DMXL2: variants seen among roughly 807,000 people sequenced by gnomAD.
DMXL2 encodes Dmx like 2.
Under a neutral mutation model 331.1 loss-of-function variants are expected in DMXL2, and 103 were observed. The ratio of observed to expected loss-of-function variants is 0.31; its 90% CI spans 0.27 to 0.37. DMXL2 has a LOEUF of 0.37. Among genes scored for constraint, DMXL2 ranks in the 10% least tolerant of loss-of-function variants. The pLI is 1.00. For missense variants in DMXL2, 3,171 were observed against 3,642.9 expected (o/e 0.87, Z 3.33); for synonymous variants, 1,281 against 1,252.1 (o/e 1.02, Z -0.49).
chr15:51,460,077 TATTG>T (rs2039984170), intron 33 of DMXL2: 1 of 939,408 alleles, frequency 1.1e-6, no homozygotes. Context: ...AGATTCAAAA[TATTG>T]ATAATTATTT....
chr15:51,456,721 G>A (rs1327147857), intron 37 of DMXL2, among the ~76,000 whole-genome samples: 2 of 151,454 alleles, frequency 1.3e-5, no homozygotes, highest in African/African-American at 4.8e-5. Context: ...GAATGTTACT[G>A]ACATGCTTTC....
Position 51,480,690 on chromosome 15 carries a change from T to G in DMXL2, c.6416A>C (p.Glu2139Ala), listed in dbSNP as rs146692573. ...IERRRLQAKR[E>A]HAERRKSWLQ... ...CCACGACTTTCGTCTTTCTGCATGC[T>G]CTCGTTTGGCCTGCAATCTTCTTCT... The change falls in exon 24 of 44, where the codon GAG (glutamate) becomes GCG (alanine). Residue 2139 changes from glutamate to alanine, a missense_variant. This residue lies in a region of DMXL2 where 197 missense variants were observed against 196.2 expected (regional missense o/e 1.00). Coordinates refer to ENST00000560891, the MANE Select transcript of DMXL2 (RefSeq NM_001378457.1). The G allele has an allele frequency of 6.2e-7, 1 of 1,612,504 alleles. No homozygotes were observed. The highest frequency in any genetic ancestry group is 8.5e-7 in the Non-Finnish European group (1 of 1,178,818).
chr15:51,574,111 T>C (rs1430566428), intron 2 of DMXL2, among the ~76,000 whole-genome samples: 2 of 151,772 alleles, frequency 1.3e-5, no homozygotes, highest in Non-Finnish European at 2.9e-5. Flanking sequence ...AAAAACAGGC[T>C]AAGGAGAAGT....
intron 15 of DMXL2, 46 bp downstream of exon 15, chr15:51,514,396 T>C (rs2046916956): frequency 2.6e-6 from 3 of 1,147,822 alleles, no homozygotes; most frequent in Non-Finnish European, 3.8e-6. Flanking sequence ...TAGAGATCAT[T>C]TTTTAGCATG....
At chr15:51,594,000 A>C (rs1389246580) in intron 1 of DMXL2, among the ~76,000 whole-genome samples, 1 of 152,210 alleles carries the variant, frequency 6.6e-6, no homozygotes, top group Non-Finnish European at 1.5e-5. Flanking sequence ...ATCACAATTA[A>C]AAGAACTAGA....
At chr15:51,558,925 CAAT>C (rs1158321209) in intron 6 of DMXL2, among the ~76,000 whole-genome samples, 2 of 152,074 alleles carry the variant, frequency 1.3e-5, no homozygotes, top group Non-Finnish European at 2.9e-5. Context: ...AGCTGTATTT[CAAT>C]AATTTCTTTT....
intron 16 of DMXL2, among the ~76,000 whole-genome samples, chr15:51,504,399 T>TGACA (rs1047244803): frequency 2.0e-5 from 3 of 152,214 alleles, no homozygotes; most frequent in Non-Finnish European, 4.4e-5. Context: ...TAGTATTAGT[T>TGACA]GACAGCCTTT....
intron 1 of DMXL2, chr15:51,603,683 G>A (rs1227089069): frequency 6.6e-6 from 1 of 151,974 alleles, no homozygotes; most frequent in African/African-American, 2.4e-5. Context: ...TAGCTAACAT[G>A]GCGAAACCCC....
chr15:51,559,002 G>A (rs538576052), intron 6 of DMXL2, among the ~76,000 whole-genome samples: 2 of 151,870 alleles, frequency 1.3e-5, no homozygotes, highest in Non-Finnish European at 2.9e-5. Context: ...GTTATTATAG[G>A]CTTCACTAGA....
intron 1 of DMXL2, among the ~76,000 whole-genome samples, chr15:51,590,347 T>C (rs561340542): frequency 2.6e-5 from 4 of 152,282 alleles, no homozygotes; most frequent in South Asian, 4.1e-4. Flanking sequence ...CCAGTTTTAA[T>C]AGACCCAACA....
chr15:51,566,620 T>C (rs189198894), intron 3 of DMXL2, among the ~76,000 whole-genome samples: 2 of 152,260 alleles, frequency 1.3e-5, no homozygotes, highest in East Asian at 1.9e-4. Flanking sequence ...AATACTATTA[T>C]AGGGAAAGAT....
At chr15:51,595,094 T>G (rs1276497108) in intron 1 of DMXL2, among the ~76,000 whole-genome samples, 4 of 152,096 alleles carry the variant, frequency 2.6e-5, no homozygotes, top group Non-Finnish European at 4.4e-5. Flanking sequence ...GAGAAGGAAA[T>G]AAAGGGTATT....
intron 9 of DMXL2, among the ~76,000 whole-genome samples, chr15:51,540,012 T>C (rs1318979897): frequency 6.6e-6 from 1 of 152,220 alleles, no homozygotes; most frequent in Admixed American, 6.5e-5. Context: ...TCTGGTTTTG[T>C]GATAAAAATG....
In DMXL2 at chr15:51,514,569, CAA is replaced by C; in HGVS notation, c.2527-12_2527-11del. On this transcript the variant is annotated splice_polypyrimidine_tract_variant and intron_variant, in intron 14 of 43. Coordinates refer to ENST00000560891, the MANE Select transcript of DMXL2 (RefSeq NM_001378457.1). Reference sequence around the variant, plus strand: ...GTGTATTTGAGCCACACTACAAATACAAAAAAAAATGAAGAGGTTTTATCTTT... The same window carrying C: ...GTGTATTTGAGCCACACTACAAATACAAAAAAATGAAGAGGTTTTATCTTT... The C allele has an allele frequency of 4.1e-6, 6 of 1,474,820 alleles. No homozygotes were observed. The highest frequency in any genetic ancestry group is 1.2e-5 in the South Asian group (1 of 81,004). The allele number at this position is 1,474,820 out of a possible 1,614,324, so 91.4% of individuals were successfully genotyped here.
chr15:51,563,354 T>G (rs2050082485), intron 6 of DMXL2, 27 bp downstream of exon 6: 1 of 1,514,954 alleles, frequency 6.6e-7, no homozygotes. Context: ...ATTTGTTTAT[T>G]TCGTATGTTT....
intron 22 of DMXL2, 52 bp from the exon 23 acceptor site, chr15:51,486,389 A>C: frequency 7.5e-7 from 1 of 1,338,496 alleles, no homozygotes; most frequent in Non-Finnish European, 1.0e-6. Context: ...TTATTTAGAG[A>C]GATGAAATAT....
chr15:51,610,616 A>G (rs531425604), intron 1 of DMXL2, among the ~76,000 whole-genome samples: 1 of 152,214 alleles, frequency 6.6e-6, no homozygotes, highest in East Asian at 1.9e-4. Context: ...AAAATACAAA[A>G]AATTAGCCGG....
intron 7 of DMXL2, among the ~76,000 whole-genome samples, chr15:51,546,436 C>A (rs1347019545): frequency 1.3e-5 from 2 of 152,096 alleles, no homozygotes; most frequent in Non-Finnish European, 2.9e-5. Flanking sequence ...AAATTTCCCA[C>A]ATTATCATTT....
chr15:51,486,164 C>T lies in DMXL2; in HGVS notation c.5391G>A (p.Leu1797=), dbSNP rs2140404009. The change falls in exon 23 of 44, where the codon CTG becomes CTA. Residue 1797 remains leucine (L), a synonymous_variant. Coordinates refer to ENST00000560891, the MANE Select transcript of DMXL2 (RefSeq NM_001378457.1). ...SCKRLHPDPF[L]RSLAYWVMKD... ...TCATTACCCAATAGGCAAGACTACGCAGGAAAGGATCAGGATGTAATCTTT... is the reference window on the plus strand; with the variant it reads ...TCATTACCCAATAGGCAAGACTACGTAGGAAAGGATCAGGATGTAATCTTT... 6.2e-7 allele frequency: 1 copy of T among 1,614,060 alleles called. No individual in the cohort carries two copies. The highest frequency in any genetic ancestry group is 1.7e-4 in the Middle Eastern group (1 of 6,058).
Sources: allele counts gnomAD v4.1 joint callset (sites outside exome capture counted in the v4.1 genomes callset), GRCh38; gene constraint gnomAD v4.1.1; regional missense constraint gnomAD v4.1.1; transcripts MANE v1.5; gene names NCBI Gene and HGNC (gene_info 2026-07-23, HGNC 2026-07-21).